TTC39B: variants seen among roughly 807,000 people sequenced by gnomAD.
TTC39B encodes tetratricopeptide repeat protein 39B.
In TTC39B, 92 loss-of-function variants were observed where a neutral mutation model predicts 96.6. That is an observed-to-expected ratio of 0.95 (90% confidence interval 0.80 to 1.13). The LOEUF (loss-of-function observed/expected upper bound fraction) is 1.13. TTC39B is among the 50% of genes most tolerant of loss of function. The pLI is 0.00. For synonymous variants in TTC39B, 367 were observed against 299.4 expected, an observed-to-expected ratio of 1.23 and a Z score of -2.33; for missense variants, 955 against 809.3, an observed-to-expected ratio of 1.18 and a Z score of -2.18.
chr9:15,232,996 G>A lies in TTC39B; in HGVS notation c.276-6984C>T, dbSNP rs370020108. On this transcript the variant is annotated intron_variant, in intron 2 of 19. Transcript: ENST00000512701. ...AAAATTCTCAAACACTGCATACACAGAGAGGATAGGAGACATGGCATTTGT... is the reference window on the plus strand; with the variant it reads ...AAAATTCTCAAACACTGCATACACAAAGAGGATAGGAGACATGGCATTTGT... 2.6e-4 allele frequency among the ~76,000 whole-genome samples: 40 copies of A among 152,316 alleles called. No individual in the cohort carries two copies. In the South Asian group the frequency reaches 8.3e-3, roughly 32 times the overall value.
intron 17 of TTC39B, among the ~76,000 whole-genome samples, chr9:15,178,164 C>T (rs370852845): frequency 5.9e-5 from 9 of 152,098 alleles, no homozygotes; most frequent in South Asian, 2.1e-4. Flanking sequence ...CCACCGTGCC[C>T]GGCCTTAAGA....
At chr9:15,270,029 C>T (rs889659851) in intron 1 of TTC39B, among the ~76,000 whole-genome samples, 1 of 152,018 alleles carries the variant, frequency 6.6e-6, no homozygotes, top group African/African-American at 2.4e-5. Flanking sequence ...ATTAGCCAGG[C>T]ATGGTGGTGC....
At chr9:15,284,754 G>C (rs962523345) in intron 1 of TTC39B, among the ~76,000 whole-genome samples, 1 of 152,074 alleles carries the variant, frequency 6.6e-6, no homozygotes, top group Non-Finnish European at 1.5e-5. Context: ...AGGGAATATA[G>C]TAAAGGCAAA....
At chr9:15,221,907 C>T (rs1183641738) in intron 3 of TTC39B, among the ~76,000 whole-genome samples, 1 of 152,220 alleles carries the variant, frequency 6.6e-6, no homozygotes, top group African/African-American at 2.4e-5. Flanking sequence ...TTTTACATTG[C>T]CCAATATGTC....
At chr9:15,230,558 T>A (rs1043587131) in intron 2 of TTC39B, among the ~76,000 whole-genome samples, 2 of 152,240 alleles carry the variant, frequency 1.3e-5, no homozygotes, top group Admixed American at 1.3e-4. Context: ...TAACAGTACT[T>A]TATTCCTTTT....
intron 2 of TTC39B, among the ~76,000 whole-genome samples, chr9:15,258,219 T>C (rs1171650475): frequency 6.6e-6 from 1 of 152,042 alleles, no homozygotes; most frequent in Non-Finnish European, 1.5e-5. Context: ...CTTAAGCTAA[T>C]GTAATAGAGC....
chr9:15,217,660 G>T (rs1820597520), intron 3 of TTC39B, among the ~76,000 whole-genome samples: 1 of 152,112 alleles, frequency 6.6e-6, no homozygotes, highest in Admixed American at 6.5e-5. Context: ...CATCACTTCA[G>T]ATCTGAATTC....
chr9:15,307,017 ACTCTT>A, intron 1 of TTC39B, 62 bp downstream of exon 1: 1 of 1,570,246 alleles, frequency 6.4e-7, no homozygotes, highest in Non-Finnish European at 8.6e-7. Flanking sequence ...AGCCGGGCTC[ACTCTT>A]CTCTCCCGGA....
intron 3 of TTC39B, among the ~76,000 whole-genome samples, chr9:15,221,909 C>T (rs2131389265): frequency 1.3e-5 from 2 of 152,186 alleles, no homozygotes; most frequent in South Asian, 4.2e-4. Flanking sequence ...TTACATTGCC[C>T]AATATGTCTC....
chr9:15,262,233 G>C (rs1013678548), intron 2 of TTC39B, among the ~76,000 whole-genome samples: 1 of 152,068 alleles, frequency 6.6e-6, no homozygotes, highest in Non-Finnish European at 1.5e-5. Flanking sequence ...TGAGTAGCTG[G>C]AATTACAGGC....
chr9:15,289,661 G>A (rs542744187), intron 1 of TTC39B, among the ~76,000 whole-genome samples: 3 of 152,280 alleles, frequency 2.0e-5, no homozygotes, highest in East Asian at 1.9e-4. Flanking sequence ...CAGGTATGCC[G>A]GGAAAGAGGC....
At chr9:15,263,735 A>G (rs1003760880) in intron 2 of TTC39B, among the ~76,000 whole-genome samples, 8 of 152,216 alleles carry the variant, frequency 5.3e-5, no homozygotes, top group African/African-American at 1.9e-4. Context: ...TTCTTCGTGT[A>G]TGGACTCCAG....
At chr9:15,278,404 T>A (rs1043358006) in intron 1 of TTC39B, among the ~76,000 whole-genome samples, 1 of 152,234 alleles carries the variant, frequency 6.6e-6, no homozygotes, top group Admixed American at 6.5e-5. Flanking sequence ...AAATTTAACA[T>A]AAATGAGCAA....
intron 17 of TTC39B, among the ~76,000 whole-genome samples, chr9:15,181,450 G>A (rs1390575763): frequency 6.6e-6 from 1 of 152,118 alleles, no homozygotes; most frequent in Non-Finnish European, 1.5e-5. Flanking sequence ...AAACAACTTT[G>A]GATAGCATCT....
chr9:15,259,239 T>C (rs1822861598), intron 2 of TTC39B, among the ~76,000 whole-genome samples: 1 of 152,158 alleles, frequency 6.6e-6, no homozygotes, highest in Non-Finnish European at 1.5e-5. Context: ...TAAATCAAAG[T>C]TATGTTCTTA....
chr9:15,199,866 T>C (rs1178810072), exon 8 of TTC39B: 1 of 1,523,072 alleles, frequency 6.6e-7, no homozygotes, highest in South Asian at 1.1e-5. Flanking sequence ...CTTACTTATA[T>C]ATTTGGTAAC....
chr9:15,230,661 C>T (rs768233103), intron 2 of TTC39B, among the ~76,000 whole-genome samples: 3 of 152,096 alleles, frequency 2.0e-5, no homozygotes, highest in Admixed American at 6.6e-5. Context: ...GTGGCCATTA[C>T]GAATAATGCT....
intron 1 of TTC39B, among the ~76,000 whole-genome samples, chr9:15,275,595 G>A (rs542202702): frequency 1.5e-4 from 23 of 152,294 alleles, no homozygotes; most frequent in South Asian, 4.1e-4. Context: ...CTGGGAGAAG[G>A]AGGATACGCC....
chr9:15,167,030 T>TATA (rs1817542797), exon 20 of TTC39B: 3 of 14,546 alleles, frequency 2.1e-4, no homozygotes, highest in Non-Finnish European at 3.0e-4. Context: ...ATATATATAT[T>TATA]TTTTTTTTTT....
Sources: allele counts gnomAD v4.1 joint callset (sites outside exome capture counted in the v4.1 genomes callset), GRCh38; gene constraint gnomAD v4.1.1; transcripts MANE v1.5; gene names NCBI Gene and HGNC (gene_info 2026-07-23, HGNC 2026-07-21).